Variants in ARID1A observed in about 807,000 individuals in gnomAD.
The protein encoded by ARID1A is AT-rich interactive domain-containing protein 1A.
In ARID1A, 20 loss-of-function variants were observed where a neutral mutation model predicts 212.6. That is an observed-to-expected ratio of 0.09 (90% CI 0.07 to 0.14). The LOEUF (loss-of-function observed/expected upper bound fraction) is 0.14, where lower values mean the gene tolerates loss of function less well. Among genes scored for constraint, ARID1A ranks in the 10% least tolerant of loss-of-function variants. The probability of loss-of-function intolerance (pLI) is 1.00; values close to 1 mark genes in which losing one functional copy is unlikely to be tolerated. For synonymous variants in ARID1A, 1,376 were observed against 1,222.1 expected (o/e 1.13, Z -2.63); for missense variants, 2,587 against 3,059.0 (o/e 0.85, Z 3.64).
Position 26,697,094 on chromosome 1 carries a change from C to T in ARID1A, c.691C>T (p.Leu231=). The T allele has an allele frequency of 6.8e-7, 1 of 1,476,366 alleles. No homozygotes were observed. The highest frequency in any genetic ancestry group is 8.9e-7 in the Non-Finnish European group (1 of 1,117,884). The allele number at this position is 1,476,366 out of a possible 1,614,324, so 91.5% of individuals were successfully genotyped here. A position where few individuals can be genotyped will look rare whatever the true frequency, so the allele number is the denominator to read the frequency against. The change falls in exon 1 of 20, where the codon CTG becomes TTG. Residue 231 remains leucine, a synonymous_variant. Transcript: ENST00000324856. ...CCCCCCGCCCGCCCCGGCCTACGCG[C>T]TGAGCTCCCCGAGAGGTGGCACTCC... ...AYPPPAPAYA[L]SSPRGGTPGS... is the part of the protein sequence containing the mutation.
intron 2 of ARID1A, 80 bp downstream of exon 2, chr1:26,729,943 T>G: frequency 6.6e-7 from 1 of 1,508,258 alleles, no homozygotes; most frequent in East Asian, 2.3e-5. Context: ...GAATGTATCC[T>G]TGGCTTCCAA....
rs761900757 is a variant in ARID1A at position 26,773,349 on chromosome 1, C to G, written c.3719C>G (p.Pro1240Arg). Residue 1240 changes from proline to arginine, a missense_variant, in exon 15 of 20, where the codon CCA becomes CGA. Pro to Arg is a moderately radical substitution (Grantham distance 103). Coordinates refer to ENST00000324856, the MANE Select transcript of ARID1A (RefSeq NM_006015.6). Reference protein sequence around the residue: ...KDPYGSMRKAPGSDPFMSSGQ... With the variant: ...KDPYGSMRKARGSDPFMSSGQ... Reference sequence around the variant, plus strand: ...CCGCTTGCCTTTCTACGCTCAGCTCCAGGGAGTGATCCCTTCATGTCCTCA... The same window carrying G: ...CCGCTTGCCTTTCTACGCTCAGCTCGAGGGAGTGATCCCTTCATGTCCTCA... The G allele has an allele frequency of 1.3e-6, 2 of 1,584,662 alleles. No individual in the cohort carries two copies. The highest frequency in any genetic ancestry group is 2.3e-5 in the South Asian group (2 of 86,318).
intron 4 of ARID1A, among the ~76,000 whole-genome samples, chr1:26,756,854 C>A (rs2080943153): frequency 6.6e-6 from 1 of 151,838 alleles, no homozygotes; most frequent in Non-Finnish European, 1.5e-5. Context: ...GGGTGCCCGT[C>A]ACCACGTCTG....
In ARID1A at chr1:26,779,441, G is replaced by T. The variant is rs1410136655; in HGVS notation, c.5543G>T (p.Gly1848Val). Residue 1848 changes from glycine (G) to valine (V), a missense_variant, in exon 20 of 20, where the codon GGG becomes GTG. Gly to Val is a moderately radical substitution (Grantham distance 109, BLOSUM62 -3). This residue lies in a region of ARID1A where 890 missense variants were observed against 1,098.2 expected (regional missense o/e 0.81). Coordinates refer to ENST00000324856, the MANE Select transcript of ARID1A (RefSeq NM_006015.6). ...GGCCTGCTGCACTGGCGGATTGGTG[G>T]GGGGGACACCACTGAGCATATCCAG... ...DSGLLHWRIG[G>V]GDTTEHIQTH... 1.9e-6 allele frequency: 3 copies of T among 1,614,090 alleles called. No individual in the cohort carries two copies. The highest frequency in any genetic ancestry group is 1.7e-5 in the Admixed American group (1 of 60,002).
chr1:26,762,340 G>T (rs2081000295), intron 7 of ARID1A, 21 bp downstream of exon 7: 2 of 1,607,652 alleles, frequency 1.2e-6, no homozygotes, highest in Admixed American at 1.7e-5. Flanking sequence ...TACCCAGTTA[G>T]GAGTAGATAC....
intron 14 of ARID1A, 150 bp downstream of exon 14, chr1:26,773,137 T>C: frequency 2.4e-6 from 3 of 1,267,368 alleles, no homozygotes; most frequent in Non-Finnish European, 2.2e-6. Context: ...CATCCTTACC[T>C]CCTTTCTTGT....
At chr1:26,738,876 G>GTTT (rs35110787) in intron 4 of ARID1A, among the ~76,000 whole-genome samples, 3 of 116,670 alleles carry the variant, frequency 2.6e-5, no homozygotes, top group Non-Finnish European at 3.6e-5. Context: ...CTTTTCTTTT[G>GTTT]TTTTTTTTTT....
Position 26,780,075 on chromosome 1 carries a change from C to T in ARID1A, c.6177C>T (p.Asn2059=), listed in dbSNP as rs2081176937. The T allele has an allele frequency of 6.2e-7, 1 of 1,614,144 alleles. No individual in the cohort carries two copies. Among genetic ancestry groups the T allele is most frequent in the African/African-American group, 1.3e-5 (1 of 75,018 alleles). The change falls in exon 20 of 20, where the codon AAC becomes AAT. Residue 2059 remains asparagine (N), a synonymous_variant. Coordinates refer to ENST00000324856, the MANE Select transcript of ARID1A (RefSeq NM_006015.6). The surrounding 1 kb of genome is among the most constrained non-coding windows in gnomAD (Gnocchi z 7.2). ...ACTGCTTGGAGATGCTCCGGGAAAA[C>T]ACCTTGGTTACACTCGCCAACATCT... ...WWDCLEMLRE[N]TLVTLANISG...
At chr1:26,772,749 GT>G in intron 13 of ARID1A, 62 bp from the exon 14 acceptor site, 1 of 1,606,452 alleles carries the variant, frequency 6.2e-7, no homozygotes, top group Non-Finnish European at 8.5e-7. Context: ...ACTCCTGCGT[GT>G]CCTTTGTTAT....
Position 26,731,238 on chromosome 1 carries a change from G to A in ARID1A, c.1437G>A (p.Gln479=), listed in dbSNP as rs2124788263. 8 of 1,613,942 alleles carry A rather than the reference G, an allele frequency of 5.0e-6. No individual in the cohort carries two copies. Among genetic ancestry groups the A allele is most frequent in the Non-Finnish European group, 5.1e-6 (6 of 1,179,970 alleles). The change falls in exon 3 of 20, where the codon CAG becomes CAA. Residue 479 remains glutamine (Q), a synonymous_variant. Transcript: ENST00000324856. The part of the protein sequence containing the change: ...PYYNQQSPHP[Q]QQQPPYSQQP... ...ACAACCAGCAAAGTCCTCACCCTCA[G>A]CAGCAGCAGCCACCCTACTCCCAGC...
intron 4 of ARID1A, among the ~76,000 whole-genome samples, chr1:26,738,880 T>TG (rs1394059104): frequency 1.3e-3 from 181 of 143,678 alleles, no homozygotes; most frequent in African/African-American, 4.5e-3. Context: ...TCTTTTGTTT[T>TG]TTTTTTTTTT....
chr1:26,777,281 T>C (rs1352063383), intron 19 of ARID1A, among the ~76,000 whole-genome samples: 1 of 152,116 alleles, frequency 6.6e-6, no homozygotes, highest in Non-Finnish European at 1.5e-5. Context: ...AGTGCAGTGG[T>C]GCAATCACAG....
At chr1:26,713,952 GTC>G (rs1323855054) in intron 1 of ARID1A, among the ~76,000 whole-genome samples, 1 of 152,190 alleles carries the variant, frequency 6.6e-6, no homozygotes, top group East Asian at 1.9e-4. Context: ...CCAATATGTG[GTC>G]TCATTATGGT....
intron 1 of ARID1A, among the ~76,000 whole-genome samples, chr1:26,720,673 T>G (rs2080554616): frequency 6.6e-6 from 1 of 151,152 alleles, no homozygotes; most frequent in African/African-American, 2.4e-5. Flanking sequence ...AGCTTAGGAG[T>G]TGAAGAACAG....
At chr1:26,710,077 C>T (rs1324557208) in intron 1 of ARID1A, among the ~76,000 whole-genome samples, 2 of 148,966 alleles carry the variant, frequency 1.3e-5, no homozygotes, top group Non-Finnish European at 3.0e-5. Context: ...GGTAATCCAC[C>T]CACCTGGGCC....
chr1:26,697,510 C>CG lies in ARID1A; in HGVS notation c.1113dup (p.Gln372AlafsTer28). 9.3e-6 allele frequency: 13 copies of CG among 1,404,704 alleles called. No individual in the cohort carries two copies. Among genetic ancestry groups the CG allele is most frequent in the Admixed American group, 6.6e-5 (2 of 30,450 alleles). The allele number at this position is 1,404,704 out of a possible 1,614,324, so 87.0% of individuals were successfully genotyped here. The stretch of plus-strand genomic sequence containing the variant: ...CCATGAGCCCCGGGAGCAGCGGCGG[C>CG]GGGGGGCAGCCGCTCGCCCGGACCC... On this transcript the variant is annotated frameshift_variant, in exon 1 of 20. Transcript: ENST00000324856. LOFTEE classifies it high-confidence loss of function.
intron 13 of ARID1A, 21 bp downstream of exon 13, chr1:26,772,653 A>G (rs2124105205): frequency 1.2e-6 from 2 of 1,614,214 alleles, no homozygotes; most frequent in East Asian, 4.5e-5. Flanking sequence ...GAGCAGGGGC[A>G]GATGGTTGGG....
intron 1 of ARID1A, among the ~76,000 whole-genome samples, chr1:26,718,286 C>G (rs1244303412): frequency 6.6e-6 from 1 of 152,082 alleles, no homozygotes; most frequent in African/African-American, 2.4e-5. Context: ...TTGTTTTGTT[C>G]TTTATTTACT....
At chr1:26,750,017 T>C (rs936305694) in intron 4 of ARID1A, among the ~76,000 whole-genome samples, 8 of 152,204 alleles carry the variant, frequency 5.3e-5, no homozygotes, top group Admixed American at 5.2e-4. Context: ...TCTTGTCGTT[T>C]GTGTGTCTGG....
Sources: allele counts gnomAD v4.1 joint callset (sites outside exome capture counted in the v4.1 genomes callset), GRCh38; gene constraint gnomAD v4.1.1; regional missense constraint gnomAD v4.1.1; non-coding constraint Gnocchi (gnomAD v3.1); transcripts MANE v1.5; gene names NCBI Gene and HGNC (gene_info 2026-07-23, HGNC 2026-07-21).